Variants in SAMD12 observed in about 807,000 individuals in gnomAD.
SAMD12 encodes sterile alpha motif domain containing 12, also known as sterile alpha motif domain-containing protein 12.
A neutral mutation model predicts 15.0 loss-of-function variants in SAMD12; 9 were observed. The ratio of observed to expected loss-of-function variants is 0.60; its 90% CI spans 0.36 to 1.05. SAMD12 has a LOEUF of 1.05. SAMD12 is among the 50% of genes least tolerant of loss of function. SAMD12 has a pLI of 0.01. For synonymous variants in SAMD12, 86 were observed against 90.1 expected, an observed-to-expected ratio of 0.96 and a Z score of 0.25; for missense variants, 230 against 234.2, an observed-to-expected ratio of 0.98 and a Z score of 0.12.
intron 4 of SAMD12, among the ~76,000 whole-genome samples, chr8:118,225,130 G>C (rs1025260971): frequency 3.9e-5 from 6 of 152,124 alleles, no homozygotes; most frequent in African/African-American, 1.4e-4. Flanking sequence ...TCACTCAGGG[G>C]ATAAGACATT....
intron 4 of SAMD12, among the ~76,000 whole-genome samples, chr8:118,306,487 T>C (rs368523879): frequency 1.3e-5 from 2 of 152,154 alleles, no homozygotes; most frequent in African/African-American, 4.8e-5. Flanking sequence ...TCCCCTCTTC[T>C]TCCTGTGGCT....
intron 4 of SAMD12, among the ~76,000 whole-genome samples, chr8:118,215,415 G>T (rs927627161): frequency 6.6e-6 from 1 of 151,556 alleles, no homozygotes; most frequent in Admixed American, 6.6e-5. Context: ...TAGTGAAAAA[G>T]CTTTGAGAAT....
intron 1 of SAMD12, among the ~76,000 whole-genome samples, chr8:118,596,576 A>C: frequency 6.6e-6 from 1 of 152,218 alleles, no homozygotes; most frequent in East Asian, 1.9e-4. Flanking sequence ...CTTTGGAGGA[A>C]GCGCCAGCCT....
intron 1 of SAMD12, among the ~76,000 whole-genome samples, chr8:118,588,999 G>T (rs1417416518): frequency 6.6e-6 from 1 of 151,926 alleles, no homozygotes; most frequent in Non-Finnish European, 1.5e-5. Flanking sequence ...CAAAAACAGG[G>T]GTAAAATATA....
At chr8:118,551,524 G>C (rs1826334982) in intron 2 of SAMD12, among the ~76,000 whole-genome samples, 1 of 152,104 alleles carries the variant, frequency 6.6e-6, no homozygotes, top group South Asian at 2.1e-4. Context: ...CACATTCAAA[G>C]CAGTGTGTAG....
intron 4 of SAMD12, among the ~76,000 whole-genome samples, chr8:118,303,538 CAA>C (rs889810261): frequency 2.0e-5 from 3 of 152,168 alleles, no homozygotes; most frequent in Non-Finnish European, 2.9e-5. Context: ...CTACGATTGA[CAA>C]AAGAGAAAGA....
intron 2 of SAMD12, among the ~76,000 whole-genome samples, chr8:118,515,829 G>C (rs1329846448): frequency 6.6e-6 from 1 of 152,180 alleles, no homozygotes; most frequent in Non-Finnish European, 1.5e-5. Context: ...TAACTGGCAT[G>C]GTACTTTGAA....
intron 3 of SAMD12, among the ~76,000 whole-genome samples, chr8:118,379,993 C>T (rs906173970): frequency 7.9e-5 from 12 of 152,076 alleles, no homozygotes; most frequent in Non-Finnish European, 4.4e-5. Flanking sequence ...ATAGGAAAAC[C>T]TTAACCTGGA....
At chr8:118,198,202 A>C (rs960025283) in intron 4 of SAMD12, among the ~76,000 whole-genome samples, 4 of 152,172 alleles carry the variant, frequency 2.6e-5, no homozygotes, top group African/African-American at 9.7e-5. Context: ...TTGGAAGCGG[A>C]ATGGCTGGAG....
At chr8:118,483,868 G>A (rs77735173) in intron 2 of SAMD12, among the ~76,000 whole-genome samples, 1 of 152,054 alleles carries the variant, frequency 6.6e-6, no homozygotes, top group African/African-American at 2.4e-5. Flanking sequence ...TTAACCTGCA[G>A]AAGGTCACCC....
intron 3 of SAMD12, among the ~76,000 whole-genome samples, chr8:118,404,582 T>C (rs1055367128): frequency 6.6e-6 from 1 of 152,196 alleles, no homozygotes; most frequent in African/African-American, 2.4e-5. Context: ...GAGTTTGTGT[T>C]ATTAAAAAGT....
intron 2 of SAMD12, among the ~76,000 whole-genome samples, chr8:118,506,992 G>A (rs991903346): frequency 1.3e-5 from 2 of 152,020 alleles, no homozygotes; most frequent in Non-Finnish European, 2.9e-5. Context: ...CAAATTAGTA[G>A]AGTGAAAATC....
chr8:118,259,469 G>A (rs1047732581), intron 4 of SAMD12, among the ~76,000 whole-genome samples: 1 of 152,056 alleles, frequency 6.6e-6, no homozygotes, highest in South Asian at 2.1e-4. Context: ...CACAGGTCAG[G>A]TCCTCATAAC....
At position 118,439,872 on chromosome 8, in the gene SAMD12, A is replaced by T; in HGVS notation, c.282T>A (p.Tyr94Ter). The change falls in exon 3 of 4, where the codon TAT becomes TAA. Residue 94 changes from tyrosine (Y) to a stop codon, truncating the protein, a stop_gained. Coordinates refer to ENST00000314727, the MANE Select transcript of SAMD12 (RefSeq NM_207506.3). LOFTEE classifies it high-confidence loss of function. The part of the protein sequence containing the change: ...KWLKKHCPNQ[Y>*]QIYSESFKQH... ...GTTTGAATGACTCACTGTAGATCTGATACTGATTCGGACAATGTTTCTTCA... is the reference window on the plus strand; with the variant it reads ...GTTTGAATGACTCACTGTAGATCTGTTACTGATTCGGACAATGTTTCTTCA... The T allele has an allele frequency of 5.0e-6, 8 of 1,613,664 alleles. No individual in the cohort carries two copies. The highest frequency in any genetic ancestry group is 6.8e-6 in the Non-Finnish European group (8 of 1,179,588).
intron 2 of SAMD12, among the ~76,000 whole-genome samples, chr8:118,482,465 TA>T (rs201465330): frequency 7.1e-6 from 1 of 140,302 alleles, no homozygotes; most frequent in East Asian, 2.0e-4. Flanking sequence ...GGGAAATATA[TA>T]TTTTTTTTAA....
chr8:118,336,800 G>A (rs148022005), intron 4 of SAMD12, among the ~76,000 whole-genome samples: 3,250 of 152,222 alleles, frequency 0.021, 125 homozygotes, highest in African/African-American at 0.072. Context: ...AAGAAAATGT[G>A]GCACATACAC....
At chr8:118,302,078 GTTTTTTT>G (rs58076997) in intron 4 of SAMD12, among the ~76,000 whole-genome samples, 12 of 74,680 alleles carry the variant, frequency 1.6e-4, no homozygotes, top group African/African-American at 7.0e-4. Flanking sequence ...ATCTTTGAGA[GTTTTTTT>G]TTTTTTTTTT....
the SAMD12 span, among the ~76,000 whole-genome samples, chr8:118,171,537 A>G: frequency 1.3e-5 from 2 of 152,214 alleles, no homozygotes; most frequent in African/African-American, 4.8e-5. Context: ...ATGATACATC[A>G]TGAATGAACC....
intron 2 of SAMD12, among the ~76,000 whole-genome samples, chr8:118,548,378 CACACAT>C (rs1554583397): frequency 2.6e-4 from 29 of 110,606 alleles, no homozygotes; most frequent in African/African-American, 6.4e-4. Context: ...ACACTAAAAA[CACACAT>C]ACACACACAC....
Sources: gnomAD v4.1 joint callset for allele counts (sites outside exome capture counted in the v4.1 genomes callset) on GRCh38, gnomAD v4.1.1 for gene constraint, MANE v1.5 for transcripts, NCBI Gene and HGNC (gene_info 2026-07-23, HGNC 2026-07-21) for gene names.